Variants in NLRC4 observed in about 807,000 individuals in gnomAD.
NLRC4 encodes the protein NLR family CARD domain-containing protein 4.
A neutral mutation model predicts 79.9 loss-of-function variants in NLRC4; 63 were observed. That is an observed-to-expected ratio of 0.79 (90% CI 0.64 to 0.97). The LOEUF (loss-of-function observed/expected upper bound fraction) is 0.97. NLRC4 is among the 50% of genes least tolerant of loss of function. The pLI, the probability that NLRC4 is intolerant of heterozygous loss-of-function variation, is 0.00. For synonymous variants in NLRC4, 461 were observed against 456.5 expected, an observed-to-expected ratio of 1.01 and a Z score of -0.12; for missense variants, 1,074 against 1,215.2, an observed-to-expected ratio of 0.88 and a Z score of 1.73.
chr2:32,233,350 T>TATATATATATATATATATATA (rs1491211096), intron 8 of NLRC4, among the ~76,000 whole-genome samples: 3 of 24,422 alleles, frequency 1.2e-4, no homozygotes, highest in African/African-American at 5.7e-4. Flanking sequence ...TATATATATA[T>TATATATATATATATATATATA]TTTTTTTTTT....
Position 32,264,737 on chromosome 2 carries a change from C to G in NLRC4, c.-119+1G>C, listed in dbSNP as rs993572640. The G allele has an allele frequency of 6.6e-6, 1 of 152,104 alleles. No homozygotes were observed. Among genetic ancestry groups the G allele is most frequent in the Non-Finnish European group, 1.5e-5 (1 of 68,038 alleles). The allele number at this position is 152,104 out of a possible 1,614,324, so 9.4% of individuals were successfully genotyped here. ...AATCCCATTCTCTCTACCCACAGTA[C>G]CTGGCTGAGCAATCCAATTGCCCTC... On this transcript the variant is annotated splice_donor_variant, in intron 1 of 8. Transcript: ENST00000402280. LOFTEE classifies it low-confidence loss of function (5UTR_SPLICE).
chr2:32,259,521 G>A (rs1384379231), intron 1 of NLRC4, among the ~76,000 whole-genome samples: 1 of 151,972 alleles, frequency 6.6e-6, no homozygotes, highest in African/African-American at 2.4e-5. Context: ...AGTTGCAGAC[G>A]TTAGTACACT....
At chr2:32,235,291 TA>T in intron 8 of NLRC4, 109 bp downstream of exon 8, 19 of 759,994 alleles carry the variant, frequency 2.5e-5, no homozygotes, top group Non-Finnish European at 2.9e-5. Context: ...ATTTATATTT[TA>T]AAAAAAAGAG....
intron 8 of NLRC4, among the ~76,000 whole-genome samples, chr2:32,232,341 T>C (rs1446396845): frequency 6.6e-6 from 1 of 152,216 alleles, no homozygotes; most frequent in Non-Finnish European, 1.5e-5. Flanking sequence ...GAACTTGTAT[T>C]TATCTCCCAA....
intron 5 of NLRC4, among the ~76,000 whole-genome samples, chr2:32,239,397 A>G (rs374650842): frequency 2.0e-4 from 30 of 152,356 alleles, no homozygotes; most frequent in Middle Eastern, 3.4e-3. Flanking sequence ...TGCCTGGCAC[A>G]TAGTAAGTGC....
intron 1 of NLRC4, among the ~76,000 whole-genome samples, chr2:32,259,951 G>A (rs1047373676): frequency 1.3e-5 from 2 of 152,056 alleles, no homozygotes; most frequent in Admixed American, 6.6e-5. Flanking sequence ...TGTATTGGCC[G>A]GGCACGGTGG....
At position 32,241,048 on chromosome 2, in the gene NLRC4, CT is replaced by C; in HGVS notation, c.2334del (p.Asp779MetfsTer3). 1 of 1,598,154 alleles carries C rather than the reference CT, an allele frequency of 6.3e-7. No individual in the cohort carries two copies. Among genetic ancestry groups the C allele is most frequent in the Non-Finnish European group, 8.6e-7 (1 of 1,166,350 alleles). On this transcript the variant is annotated frameshift_variant, in exon 5 of 9. Transcript: ENST00000402280. LOFTEE classifies it high-confidence loss of function. ...GAAATCTGACCTAGTTTTATAGCAT[CT>C]TCTTCATTCATCTTTATGTTATCCA... ...LIMDNIKMNE[E>X]DAIKLAEGLK...
Position 32,248,246 on chromosome 2 carries a change from C to T in NLRC4, c.2257+1361G>A, listed in dbSNP as rs139373067. On this transcript the variant is annotated intron_variant, in intron 4 of 8. Transcript: ENST00000402280. ...TGATTATAGCTGTAAACTAAAAATCCTAAGCCCCCCACCAACTGAATGCAT... is the reference window on the plus strand; with the variant it reads ...TGATTATAGCTGTAAACTAAAAATCTTAAGCCCCCCACCAACTGAATGCAT... Among the ~76,000 whole-genome samples the T allele has an allele frequency of 1.1e-3, 165 of 152,154 alleles. 1 individual carries two copies. The highest frequency in any genetic ancestry group is 3.9e-3 in the African/African-American group (163 of 41,528).
intron 8 of NLRC4, among the ~76,000 whole-genome samples, chr2:32,233,125 T>C (rs1251225600): frequency 3.0e-5 from 1 of 32,822 alleles, no homozygotes; most frequent in Admixed American, 4.5e-4. Flanking sequence ...AAGAGAGGGG[T>C]GGGGGAGGGA....
chr2:32,257,166 G>C (rs955692744), intron 1 of NLRC4, among the ~76,000 whole-genome samples: 1 of 152,232 alleles, frequency 6.6e-6, no homozygotes, highest in Non-Finnish European at 1.5e-5. Flanking sequence ...AAGGCAACAT[G>C]GAATTAAATG....
At chr2:32,238,099 T>C in intron 6 of NLRC4, 33 bp downstream of exon 6, 1 of 1,553,528 alleles carries the variant, frequency 6.4e-7, no homozygotes, top group Non-Finnish European at 8.8e-7. Context: ...TCTGTTATAC[T>C]GTCCTCATTC....
At chr2:32,230,405 C>A (rs1686504153) in intron 8 of NLRC4, among the ~76,000 whole-genome samples, 1 of 151,832 alleles carries the variant, frequency 6.6e-6, no homozygotes, top group African/African-American at 2.4e-5. Flanking sequence ...CCTCAGGTGA[C>A]CCACCCGCCT....
intron 8 of NLRC4, among the ~76,000 whole-genome samples, chr2:32,231,307 AC>A (rs1321423934): frequency 6.6e-6 from 1 of 151,956 alleles, no homozygotes; most frequent in Non-Finnish European, 1.5e-5. Context: ...GGTATGTGCC[AC>A]CACGCCCGGC....
chr2:32,232,762 G>A (rs1169850703), intron 8 of NLRC4, among the ~76,000 whole-genome samples: 3 of 152,178 alleles, frequency 2.0e-5, no homozygotes, highest in Admixed American at 1.3e-4. Context: ...CGGGATCGAC[G>A]GACTGGAAGT....
At chr2:32,256,709 T>C in intron 2 of NLRC4, 66 bp downstream of exon 2, 1 of 732,248 alleles carries the variant, frequency 1.4e-6, no homozygotes, top group African/African-American at 2.1e-5. Flanking sequence ...TGATTTTCCA[T>C]TTAAAATCAC....
intron 4 of NLRC4, among the ~76,000 whole-genome samples, chr2:32,246,877 G>A (rs542020631): frequency 6.6e-6 from 1 of 152,274 alleles, no homozygotes; most frequent in Non-Finnish European, 1.5e-5. Flanking sequence ...CTGGGCTCAA[G>A]TGATCCTCCC....
rs367708050 is a variant in NLRC4 at position 32,224,704 on chromosome 2, A to G, written c.2844T>C (p.Arg948=). Residue 948 remains arginine (R), a synonymous_variant, in exon 9 of 9, where the codon CGT becomes CGC. Coordinates refer to ENST00000402280, the MANE Select transcript of NLRC4 (RefSeq NM_001199138.2). ...NFQQLNLAGN[R]VSSDGWLAFM... ...AGGCAAGCCATCCATCACTGCTCAC[A>G]CGATTTCCCGCCAAATTCAACTGCT... 2.7e-5 allele frequency: 43 copies of G among 1,605,118 alleles called. No individual in the cohort carries two copies. The African/African-American group carries it at 4.3e-4, about 16-fold the overall frequency.
chr2:32,236,585 G>A (rs1349563553), intron 6 of NLRC4, among the ~76,000 whole-genome samples: 2 of 152,172 alleles, frequency 1.3e-5, no homozygotes, highest in African/African-American at 4.8e-5. Flanking sequence ...TCCAGGTCAC[G>A]TAGAACCTAA....
intron 1 of NLRC4, among the ~76,000 whole-genome samples, chr2:32,261,717 T>C (rs1028470848): frequency 6.6e-6 from 1 of 152,120 alleles, no homozygotes; most frequent in African/African-American, 2.4e-5. Context: ...TTCAAAAGCA[T>C]ATCTATTTTC....
Sources: gnomAD v4.1 joint callset for allele counts (sites outside exome capture counted in the v4.1 genomes callset) on GRCh38, gnomAD v4.1.1 for gene constraint, MANE v1.5 for transcripts, NCBI Gene and HGNC (gene_info 2026-07-23, HGNC 2026-07-21) for gene names.